The following RIMS2 variants were observed in gnomAD, a reference collection of about 807,000 sequenced individuals.
The protein encoded by RIMS2 is regulating synaptic membrane exocytosis protein 2.
In RIMS2, 59 loss-of-function variants were observed where a neutral mutation model predicts 174.4. The ratio of observed to expected loss-of-function variants is 0.34; its 90% CI spans 0.27 to 0.42. The LOEUF is 0.42. Among genes scored for constraint, RIMS2 ranks in the 10% least tolerant of loss-of-function variants. The pLI is 1.00. For synonymous variants in RIMS2, 606 were observed against 572.5 expected (o/e 1.06, Z -0.84); for missense variants, 1,620 against 1,666.3 (o/e 0.97, Z 0.48).
intron 1 of RIMS2, among the ~76,000 whole-genome samples, chr8:103,677,847 G>C (rs1005408945): frequency 6.6e-6 from 1 of 152,184 alleles, no homozygotes; most frequent in African/African-American, 2.4e-5. Flanking sequence ...AAATACAGAA[G>C]AGATGTACAG....
intron 3 of RIMS2, among the ~76,000 whole-genome samples, chr8:103,842,749 T>G (rs904560801): frequency 5.3e-5 from 8 of 152,206 alleles, no homozygotes; most frequent in African/African-American, 1.7e-4. Flanking sequence ...TTTAAAAAAT[T>G]TAAACATTTA....
At position 103,643,299 on chromosome 8, in the gene RIMS2, G is replaced by A. The variant is rs59506231; in HGVS notation, c.177-53787G>A. On this transcript the variant is annotated intron_variant, in intron 1 of 23. Coordinates refer to ENST00000504942, the Ensembl canonical transcript of RIMS2. Reference sequence around the variant, plus strand: ...TTTCCCTCTCTTTGCTCATAGTACCGGTGTATTCTTGCATGTTGTCTACGT... The same window carrying A: ...TTTCCCTCTCTTTGCTCATAGTACCAGTGTATTCTTGCATGTTGTCTACGT... 8.2e-3 allele frequency among the ~76,000 whole-genome samples: 1,251 copies of A among 151,710 alleles called. 31 individuals are homozygous for A. In the East Asian group the frequency reaches 0.087, roughly 11 times the overall value.
At chr8:104,148,887 T>C (rs1371284330) in intron 19 of RIMS2, 39 bp downstream of exon 25, 5 of 1,577,954 alleles carry the variant, frequency 3.2e-6, no homozygotes, top group Middle Eastern at 3.3e-4. Context: ...GATATTTGAG[T>C]TGTCATTACA....
chr8:103,561,881 T>C (rs1237368628), intron 1 of RIMS2, among the ~76,000 whole-genome samples: 1 of 152,182 alleles, frequency 6.6e-6, no homozygotes, highest in Non-Finnish European at 1.5e-5. Flanking sequence ...CTCACAATCA[T>C]GGCGGAAGGC....
At chr8:103,988,778 T>C (rs1343663799) in intron 16 of RIMS2, among the ~76,000 whole-genome samples, 1 of 152,150 alleles carries the variant, frequency 6.6e-6, no homozygotes, top group African/African-American at 2.4e-5. Flanking sequence ...TATTTTATGG[T>C]ATATTCACAA....
intron 3 of RIMS2, among the ~76,000 whole-genome samples, chr8:103,775,550 A>G (rs988967626): frequency 7.2e-5 from 11 of 152,158 alleles, no homozygotes; most frequent in African/African-American, 2.7e-4. Context: ...TGCACATTCA[A>G]TAAATGCTTG....
At chr8:103,603,842 GTTGT>G (rs2094896596) in intron 1 of RIMS2, among the ~76,000 whole-genome samples, 1 of 149,632 alleles carries the variant, frequency 6.7e-6, no homozygotes, top group Admixed American at 6.7e-5. Flanking sequence ...TTTTGATGGG[GTTGT>G]TTGTTTTTTT....
At chr8:104,015,511 T>C in intron 19 of RIMS2, 6 of 623,776 alleles carry the variant, frequency 9.6e-6, no homozygotes, top group South Asian at 7.5e-5. Flanking sequence ...GGGGGGCTAG[T>C]AAGCAAAAAT....
chr8:104,045,841 T>G (rs1459385066), intron 19 of RIMS2, among the ~76,000 whole-genome samples: 2 of 151,954 alleles, frequency 1.3e-5, no homozygotes, highest in African/African-American at 4.8e-5. Context: ...TTGAAAAGCT[T>G]AACAATTCAA....
chr8:104,070,734 A>G (rs965981476), intron 19 of RIMS2, among the ~76,000 whole-genome samples: 8 of 152,206 alleles, frequency 5.3e-5, no homozygotes, highest in Non-Finnish European at 1.0e-4. Flanking sequence ...ATATTTTACT[A>G]TACTTCAGGA....
intron 2 of RIMS2, among the ~76,000 whole-genome samples, chr8:103,703,902 T>G (rs762053350): frequency 5.9e-5 from 9 of 152,046 alleles, no homozygotes; most frequent in Non-Finnish European, 8.8e-5. Flanking sequence ...ATCTTTACGG[T>G]TTTAACATAA....
rs543030471 is a variant in RIMS2 at position 103,573,942 on chromosome 8, C to T, written c.176+72880C>T. On this transcript the variant is annotated intron_variant, in intron 1 of 23. Transcript: ENST00000504942. ...TTTCACCTATTTGGTTTGATGTATTCTTAGGTATGGGCAAAAACAAAGGTT... is the reference window on the plus strand; with the variant it reads ...TTTCACCTATTTGGTTTGATGTATTTTTAGGTATGGGCAAAAACAAAGGTT... Among the ~76,000 whole-genome samples the T allele has an allele frequency of 3.6e-4, 54 of 152,052 alleles. No individual in the cohort carries two copies. The South Asian group carries it at 0.011, about 32-fold the overall frequency.
At chr8:103,652,316 C>A (rs1215558271) in intron 1 of RIMS2, 79 bp downstream of exon 2, 2 of 781,770 alleles carry the variant, frequency 2.6e-6, no homozygotes, top group Non-Finnish European at 3.9e-6. Flanking sequence ...TTAGCTTACA[C>A]TAATACTGGA....
At chr8:103,619,117 A>G (rs1345854709) in intron 1 of RIMS2, among the ~76,000 whole-genome samples, 3 of 150,710 alleles carry the variant, frequency 2.0e-5, no homozygotes, top group African/African-American at 7.3e-5. Context: ...AAAAACCAAT[A>G]TGGAAAACAG....
intron 3 of RIMS2, among the ~76,000 whole-genome samples, chr8:103,837,491 C>G (rs1593465729): frequency 6.6e-6 from 1 of 152,276 alleles, no homozygotes; most frequent in South Asian, 2.1e-4. Flanking sequence ...TCATTTAACA[C>G]TAGGTATATC....
chr8:103,823,125 A>G (rs772727474), intron 3 of RIMS2, among the ~76,000 whole-genome samples: 6 of 151,860 alleles, frequency 4.0e-5, no homozygotes, highest in South Asian at 2.1e-4. Context: ...TTTCCTCTAG[A>G]TGAAATTATT....
intron 1 of RIMS2, among the ~76,000 whole-genome samples, chr8:103,665,214 A>G (rs2096653757): frequency 6.6e-6 from 1 of 152,238 alleles, no homozygotes; most frequent in Non-Finnish European, 1.5e-5. Context: ...AACATGGCAC[A>G]TGTATATCTG....
chr8:103,621,847 G>T (rs2095642628), intron 1 of RIMS2, among the ~76,000 whole-genome samples: 1 of 149,310 alleles, frequency 6.7e-6, no homozygotes, highest in Non-Finnish European at 1.5e-5. Flanking sequence ...TATATGTATG[G>T]TAGCAAAAAT....
At chr8:103,927,805 T>G (rs377173313) in intron 10 of RIMS2, 41 of 1,506,118 alleles carry the variant, frequency 2.7e-5, no homozygotes, top group Non-Finnish European at 3.5e-5. Context: ...CTTTTTGGTT[T>G]TGTTTTATTG....
Sources: gnomAD v4.1 joint callset for allele counts (sites outside exome capture counted in the v4.1 genomes callset) on GRCh38, gnomAD v4.1.1 for gene constraint, MANE v1.5 for transcripts, NCBI Gene and HGNC (gene_info 2026-07-23, HGNC 2026-07-21) for gene names.